Variants in OR2A12 observed in about 807,000 individuals in gnomAD.
OR2A12 encodes olfactory receptor family 2 subfamily A member 12.
For synonymous variants in OR2A12, 153 were observed against 149.3 expected, an observed-to-expected ratio of 1.02 and a Z score of -0.18; for missense variants, 380 against 372.5, an observed-to-expected ratio of 1.02 and a Z score of -0.17.
chr7:144,094,421 A>G (rs1162475493), intron 1 of OR2A12, among the ~76,000 whole-genome samples: 16 of 152,214 alleles, frequency 1.1e-4, no homozygotes. Context: ...TCAGTACCAC[A>G]TCTCACAACA....
rs370409996 is a variant in OR2A12 at position 144,095,203 on chromosome 7, A to G, written c.96A>G (p.Leu32=). The part of the protein sequence containing the change: ...LELFLFGFFL[L]FYSLTLMGNG... ...TGTTCCTCTTTGGGTTTTTCTTGCT[A>G]TTCTACAGCTTAACCCTGATGGGAA... Residue 32 remains leucine (L), a synonymous_variant, in exon 2 of 2, where the codon CTA becomes CTG. Transcript: ENST00000641592. 1.9e-6 allele frequency: 3 copies of G among 1,613,762 alleles called. No homozygotes were observed. The African/African-American group carries it at 4.0e-5, about 22-fold the overall frequency.
chr7:144,088,812 T>C (rs1201727029), intron 1 of OR2A12, among the ~76,000 whole-genome samples: 1 of 152,226 alleles, frequency 6.6e-6, no homozygotes, highest in Non-Finnish European at 1.5e-5. Context: ...TTTTAATTCT[T>C]ATGCTTCTTA....
chr7:144,088,441 T>C (rs2051202223), intron 1 of OR2A12, among the ~76,000 whole-genome samples: 1 of 152,222 alleles, frequency 6.6e-6, no homozygotes, highest in Non-Finnish European at 1.5e-5. Context: ...GTTCTTCCAT[T>C]CATTCTTCTT....
At position 144,090,696 on chromosome 7, in the gene OR2A12, C is replaced by G. The variant is rs1018967239; in HGVS notation, c.-52+4153C>G. 2.6e-5 allele frequency among the ~76,000 whole-genome samples: 4 copies of G among 152,284 alleles called. No individual in the cohort carries two copies. In the East Asian group the frequency reaches 7.7e-4, roughly 29 times the overall value. On this transcript the variant is annotated intron_variant, in intron 1 of 1. Transcript: ENST00000641592. ...TCTCTCTCCTCTCACCTTCTGCCTT[C>G]TGATAGGCCCCTGTGCCTGTTGTTT... is the stretch of plus-strand genomic sequence containing the variant.
Position 144,098,944 on chromosome 7 carries a change from T to G in OR2A12, c.*2904T>G. 6.6e-6 allele frequency: 1 copy of G among 151,540 alleles called. No homozygotes were observed. The allele number at this position is 151,540 out of a possible 1,614,324, so 9.4% of individuals were successfully genotyped here. On this transcript the variant is annotated 3_prime_UTR_variant, in exon 2 of 2. Coordinates refer to ENST00000641592, the MANE Select transcript of OR2A12 (RefSeq NM_001004135.2). ...CTTTCCTTCCTTCCTTCCTTTCTCT[T>G]TCTCTTCCTTCCTTCCTTTCTTTCT...
In OR2A12 at chr7:144,095,517, G is replaced by A; in HGVS notation, c.410G>A (p.Trp137Ter). 2 of 1,614,102 alleles carry A rather than the reference G, an allele frequency of 1.2e-6. No individual in the cohort carries two copies. The highest frequency in any genetic ancestry group is 1.7e-6 in the Non-Finnish European group (2 of 1,180,004). The change falls in exon 2 of 2, where the codon TGG becomes TAG. Residue 137 changes from tryptophan to a stop codon, truncating the protein, a stop_gained. Transcript: ENST00000641592. LOFTEE classifies it low-confidence loss of function (END_TRUNC). ...TTGCAATACACCCTCATTATGAACT[G>A]GAGAGTGTGCACTGTCCTGGCCTCA... ...HPLQYTLIMNWRVCTVLASTC... is the reference protein window; with the variant it reads ...HPLQYTLIMN
chr7:144,091,524 G>A (rs2051228002), intron 1 of OR2A12, among the ~76,000 whole-genome samples: 1 of 152,200 alleles, frequency 6.6e-6, no homozygotes, highest in Non-Finnish European at 1.5e-5. Flanking sequence ...GCCAGCATCT[G>A]TTATGTTTTG....
Position 144,095,720 on chromosome 7 carries a change from A to T in OR2A12, c.613A>T (p.Ile205Phe). The T allele has an allele frequency of 1.2e-6, 2 of 1,613,924 alleles. No homozygotes were observed. The highest frequency in any genetic ancestry group is 1.7e-6 in the Non-Finnish European group (2 of 1,179,994). The stretch of plus-strand genomic sequence containing the variant: ...GGTCCTATTTGCGGGTTCTGCGTTC[A>T]TCTTAGTGGGGCCGCTCTGCCTGGT... ...QVVLFAGSAF[I>F]LVGPLCLVLV... Residue 205 changes from isoleucine (I) to phenylalanine (F), a missense_variant, in exon 2 of 2, where the codon ATC becomes TTC. Physicochemically the swap from Ile to Phe is conservative, Grantham distance 21. Transcript: ENST00000641592.
At chr7:144,089,457 T>C (rs534781629) in intron 1 of OR2A12, among the ~76,000 whole-genome samples, 314 of 152,276 alleles carry the variant, frequency 2.1e-3, no homozygotes, top group African/African-American at 7.2e-3. Flanking sequence ...TCAACTAAAG[T>C]GCCTAACTCT....
intron 1 of OR2A12, among the ~76,000 whole-genome samples, chr7:144,090,385 A>T (rs553090067): frequency 6.6e-6 from 1 of 151,708 alleles, no homozygotes; most frequent in East Asian, 1.9e-4. Context: ...ATATAAATAT[A>T]TATATTTATA....
At position 144,095,644 on chromosome 7, in the gene OR2A12, A is replaced by T. The variant is rs2051257629; in HGVS notation, c.537A>T (p.Gln179His). The T allele has an allele frequency of 1.2e-6, 2 of 1,614,028 alleles. No homozygotes were observed. The highest frequency in any genetic ancestry group is 1.7e-6 in the Non-Finnish European group (2 of 1,180,008). The change falls in exon 2 of 2, where the codon CAA becomes CAT. Residue 179 changes from glutamine to histidine, a missense_variant. Gln to His is a conservative substitution (Grantham distance 24). Transcript: ENST00000641592. ...GPQKINHFFC[Q>H]IMSVFKLACA... The stretch of plus-strand genomic sequence containing the variant: ...AAAAGATCAACCACTTTTTCTGTCA[A>T]ATCATGTCCGTATTCAAATTGGCCT...
At chr7:144,092,326 G>GAAAC (rs2051232701) in intron 1 of OR2A12, among the ~76,000 whole-genome samples, 3 of 152,018 alleles carry the variant, frequency 2.0e-5, no homozygotes, top group African/African-American at 7.3e-5. Context: ...GTTTGCCTTG[G>GAAAC]CTATTTGGGC....
At position 144,097,566 on chromosome 7, in the gene OR2A12, T is replaced by C. The variant is rs1367041638; in HGVS notation, c.*1526T>C. 1 of 151,950 alleles carries C rather than the reference T, an allele frequency of 6.6e-6. No homozygotes were observed. The highest frequency in any genetic ancestry group is 1.5e-5 in the Non-Finnish European group (1 of 67,978). The allele number at this position is 151,950 out of a possible 1,614,324, so 9.4% of individuals were successfully genotyped here. A position where few individuals can be genotyped will look rare whatever the true frequency, so the allele number is the denominator to read the frequency against. On this transcript the variant is annotated 3_prime_UTR_variant, in exon 2 of 2. Coordinates refer to ENST00000641592, the MANE Select transcript of OR2A12 (RefSeq NM_001004135.2). Reference sequence around the variant, plus strand: ...TCAAACTCTATTAAAAGAGAAAGAGTACAACGTGGGAGGATTTGATCCTTC... The same window carrying C: ...TCAAACTCTATTAAAAGAGAAAGAGCACAACGTGGGAGGATTTGATCCTTC...
At chr7:144,089,329 T>C (rs565802313) in intron 1 of OR2A12, among the ~76,000 whole-genome samples, 94 of 152,068 alleles carry the variant, frequency 6.2e-4, no homozygotes, top group African/African-American at 1.3e-3. Context: ...TGTGTGTGTG[T>C]GCGCGTGTGT....
At chr7:144,094,994 T>C in intron 1 of OR2A12, 63 bp from the exon 2 acceptor site, 1 of 699,098 alleles carries the variant, frequency 1.4e-6, no homozygotes, top group Non-Finnish European at 2.4e-6. Flanking sequence ...GAAATACTGA[T>C]TTGTGGCCTC....
intron 1 of OR2A12, among the ~76,000 whole-genome samples, chr7:144,086,768 A>C (rs1169824835): frequency 6.6e-6 from 1 of 152,180 alleles, no homozygotes; most frequent in African/African-American, 2.4e-5. Context: ...CAAATACCAG[A>C]AATAGTATCT....
intron 1 of OR2A12, among the ~76,000 whole-genome samples, chr7:144,092,000 C>A (rs2051230588): frequency 6.6e-6 from 1 of 152,086 alleles, no homozygotes; most frequent in South Asian, 2.1e-4. Flanking sequence ...ATATTTAAGT[C>A]TTTAATCCAT....
rs2051263121 is a variant in OR2A12 at position 144,096,109 on chromosome 7, T to A, written c.*69T>A. The A allele has an allele frequency of 9.1e-7, 1 of 1,096,774 alleles. No individual in the cohort carries two copies. Among genetic ancestry groups the A allele is most frequent in the Non-Finnish European group, 1.3e-6 (1 of 751,792 alleles). 67.9% of individuals were successfully genotyped at this position (1,096,774 alleles called of 1,614,324 possible). On this transcript the variant is annotated 3_prime_UTR_variant, in exon 2 of 2. Coordinates refer to ENST00000641592, the MANE Select transcript of OR2A12 (RefSeq NM_001004135.2). ...GACCCTGGGTCCTGAAATTTCCTTT[T>A]TAATTCTTTAATTTACCACACCCAA...
At chr7:144,090,294 C>A (rs989235812) in intron 1 of OR2A12, among the ~76,000 whole-genome samples, 3 of 151,512 alleles carry the variant, frequency 2.0e-5, no homozygotes, top group African/African-American at 7.3e-5. Context: ...ATTATAGTTT[C>A]TATTAGAAAT....
Sources: gnomAD v4.1 joint callset for allele counts (sites outside exome capture counted in the v4.1 genomes callset) on GRCh38, gnomAD v4.1.1 for gene constraint, MANE v1.5 for transcripts, NCBI Gene and HGNC (gene_info 2026-07-23, HGNC 2026-07-21) for gene names.